The following AFF1 variants were observed in gnomAD, a reference collection of about 807,000 sequenced individuals.
AFF1 encodes AF4/FMR2 family member 1.
AFF1 carries 48 observed loss-of-function variants against 121.7 expected under a neutral mutation model. The observed-to-expected ratio is 0.39, with a 90% CI of 0.31 to 0.50. The LOEUF is 0.50. AFF1 is among the 20% of genes least tolerant of loss of function. AFF1 has a pLI of 0.76. For synonymous variants in AFF1, 613 were observed against 563.0 expected (o/e 1.09, Z -1.26); for missense variants, 1,523 against 1,511.7 (o/e 1.01, Z -0.12).
At chr4:87,035,564 GAA>G (rs11434868) in intron 2 of AFF1, among the ~76,000 whole-genome samples, 1 of 147,068 alleles carries the variant, frequency 6.8e-6, no homozygotes, top group African/African-American at 2.5e-5. Context: ...CCGTCCCAAG[GAA>G]AAAAAAAAAA....
chr4:86,985,009 GAAAC>G (rs1404730446), intron 2 of AFF1, among the ~76,000 whole-genome samples: 3 of 150,212 alleles, frequency 2.0e-5, no homozygotes, highest in Non-Finnish European at 4.4e-5. Context: ...TACTTGTTAA[GAAAC>G]AAATAGAGAA....
intron 2 of AFF1, among the ~76,000 whole-genome samples, chr4:87,039,944 C>T (rs928188396): frequency 2.5e-4 from 38 of 152,022 alleles, no homozygotes; most frequent in African/African-American, 8.0e-4. Context: ...CTCTGTAGCC[C>T]AGGTTGAAGT....
At chr4:87,049,739 C>T in intron 4 of AFF1, 1 of 456,148 alleles carries the variant, frequency 2.2e-6, no homozygotes, top group South Asian at 1.5e-5. Context: ...GTACCAACTG[C>T]CTGGGAGCCC....
chr4:87,127,500 C>G, intron 15 of AFF1, 143 bp from the exon 16 acceptor site: 2 of 739,956 alleles, frequency 2.7e-6, no homozygotes, highest in Non-Finnish European at 4.6e-6. Context: ...CTCCTCCCCT[C>G]CTTATTTCCA....
intron 2 of AFF1, among the ~76,000 whole-genome samples, chr4:86,990,611 G>A (rs1560522340): frequency 6.6e-6 from 1 of 152,116 alleles, no homozygotes; most frequent in Non-Finnish European, 1.5e-5. Context: ...GGGAGTGAAA[G>A]GAGTATCTTG....
intron 4 of AFF1, among the ~76,000 whole-genome samples, chr4:87,057,139 A>C (rs1035609708): frequency 6.6e-6 from 1 of 151,646 alleles, no homozygotes; most frequent in Admixed American, 6.6e-5. Flanking sequence ...TGAAAGGTAC[A>C]TCCAGGCTAA....
intron 4 of AFF1, among the ~76,000 whole-genome samples, chr4:87,062,943 G>A (rs956201954): frequency 6.6e-6 from 1 of 152,142 alleles, no homozygotes; most frequent in African/African-American, 2.4e-5. Context: ...TAAAAGCATG[G>A]ATTTGGGATT....
chr4:87,126,788 G>T (rs1299440128), intron 14 of AFF1, among the ~76,000 whole-genome samples: 1 of 152,146 alleles, frequency 6.6e-6, no homozygotes, highest in Admixed American at 6.5e-5. Flanking sequence ...GTTATGTGTG[G>T]CTTTGTGAGT....
At chr4:87,116,316 C>G (rs1247172648) in intron 12 of AFF1, among the ~76,000 whole-genome samples, 2 of 152,170 alleles carry the variant, frequency 1.3e-5, no homozygotes, top group African/African-American at 2.4e-5. Flanking sequence ...TTTAGACAGG[C>G]TCCTTCCTTT....
At chr4:87,041,325 T>C (rs1730122929) in intron 2 of AFF1, among the ~76,000 whole-genome samples, 1 of 152,238 alleles carries the variant, frequency 6.6e-6, no homozygotes, top group African/African-American at 2.4e-5. Flanking sequence ...TGTCATTCCT[T>C]GGCCAGGCTG....
chr4:86,977,547 T>G (rs1723391359), intron 2 of AFF1, among the ~76,000 whole-genome samples: 1 of 152,172 alleles, frequency 6.6e-6, no homozygotes, highest in South Asian at 2.1e-4. Context: ...CTGTGGATTC[T>G]CCAACCTCAC....
intron 2 of AFF1, among the ~76,000 whole-genome samples, chr4:87,001,742 C>T (rs1359524427): frequency 1.3e-5 from 2 of 152,164 alleles, no homozygotes; most frequent in East Asian, 1.9e-4. Context: ...AAGGGAGAGC[C>T]GGTTAATTTC....
At chr4:86,971,042 T>C (rs964766590) in intron 2 of AFF1, among the ~76,000 whole-genome samples, 4 of 152,226 alleles carry the variant, frequency 2.6e-5, no homozygotes, top group Non-Finnish European at 5.9e-5. Flanking sequence ...TCAAATGCCC[T>C]TTAACAGGAT....
chr4:87,011,093 AAAAAG>A (rs1357422534), intron 2 of AFF1, among the ~76,000 whole-genome samples: 2 of 149,742 alleles, frequency 1.3e-5, no homozygotes, highest in African/African-American at 2.5e-5. Flanking sequence ...AAAAAAAAAA[AAAAAG>A]AAAAAAAAAA....
chr4:87,126,611 TAAGA>T (rs916179578), intron 14 of AFF1, among the ~76,000 whole-genome samples: 1 of 152,238 alleles, frequency 6.6e-6, no homozygotes, highest in Non-Finnish European at 1.5e-5. Flanking sequence ...TGTTTTACAG[TAAGA>T]AATAGTTACC....
At chr4:86,997,272 C>T (rs1427356186) in intron 2 of AFF1, among the ~76,000 whole-genome samples, 1 of 152,148 alleles carries the variant, frequency 6.6e-6, no homozygotes, top group East Asian at 1.9e-4. Context: ...GCTCAGCTCC[C>T]TCACCATGTC....
intron 1 of AFF1, among the ~76,000 whole-genome samples, chr4:86,946,099 T>C (rs769116823): frequency 1.2e-4 from 18 of 151,964 alleles, no homozygotes; most frequent in Non-Finnish European, 2.1e-4. Context: ...ACCTGGGGGG[T>C]TGCTCACTCC....
chr4:87,038,428 T>C (rs1202756229), intron 2 of AFF1, among the ~76,000 whole-genome samples: 1 of 152,196 alleles, frequency 6.6e-6, no homozygotes, highest in Non-Finnish European at 1.5e-5. Context: ...TGCTTGGAGG[T>C]ATGTTGATGC....
intron 1 of AFF1, among the ~76,000 whole-genome samples, chr4:86,947,133 G>A (rs371501547): frequency 5.8e-4 from 89 of 152,220 alleles, no homozygotes; most frequent in African/African-American, 2.0e-3. Flanking sequence ...GGAAGGGAAG[G>A]GAGACTAGTG....
Sources: allele counts gnomAD v4.1 joint callset (sites outside exome capture counted in the v4.1 genomes callset), GRCh38; gene constraint gnomAD v4.1.1; transcripts MANE v1.5; gene names NCBI Gene and HGNC (gene_info 2026-07-23, HGNC 2026-07-21).